Variants in PRKG1 observed in about 807,000 individuals in gnomAD.
PRKG1 encodes the protein protein kinase cGMP-dependent 1, also known as cGMP-dependent protein kinase 1.
Under a neutral mutation model 88.1 loss-of-function variants are expected in PRKG1, and 35 were observed. That is an observed-to-expected ratio of 0.40 (90% CI 0.30 to 0.53). The LOEUF is 0.53. PRKG1 is among the 20% of genes least tolerant of loss of function. The pLI, the probability that PRKG1 is intolerant of heterozygous loss-of-function variation, is 0.59. For synonymous variants in PRKG1, 303 were observed against 292.5 expected (o/e 1.04, Z -0.37); for missense variants, 540 against 839.8 (o/e 0.64, Z 4.41).
At chr10:51,401,852 C>G (rs1837748338) in intron 2 of PRKG1, among the ~76,000 whole-genome samples, 1 of 152,130 alleles carries the variant, frequency 6.6e-6, no homozygotes, top group Non-Finnish European at 1.5e-5. Context: ...TTTCTCCTTT[C>G]TGAGTCACTA....
chr10:52,172,546 T>C (rs967204449), intron 9 of PRKG1, among the ~76,000 whole-genome samples: 2 of 152,226 alleles, frequency 1.3e-5, no homozygotes, highest in African/African-American at 2.4e-5. Flanking sequence ...AGTACAGTAC[T>C]TTTTAAAAGC....
intron 5 of PRKG1, among the ~76,000 whole-genome samples, chr10:51,975,791 C>T (rs1843817612): frequency 6.6e-6 from 1 of 151,972 alleles, no homozygotes; most frequent in South Asian, 2.1e-4. Flanking sequence ...ATACAATTGA[C>T]TTCATCAAAA....
At chr10:51,256,262 T>G (rs1416369970) in intron 2 of PRKG1, among the ~76,000 whole-genome samples, 1 of 152,176 alleles carries the variant, frequency 6.6e-6, no homozygotes, top group Non-Finnish European at 1.5e-5. Flanking sequence ...GATTACAAGT[T>G]TTTCCTTTTA....
chr10:51,959,472 A>C (rs1046428747), intron 5 of PRKG1, among the ~76,000 whole-genome samples: 1 of 152,090 alleles, frequency 6.6e-6, no homozygotes, highest in African/African-American at 2.4e-5. Context: ...CATACAAGAG[A>C]CAAGACTGGA....
intron 3 of PRKG1, among the ~76,000 whole-genome samples, chr10:51,469,652 C>A (rs1839997826): frequency 1.3e-5 from 2 of 151,828 alleles, no homozygotes; most frequent in African/African-American, 4.8e-5. Context: ...ATGTTGAATG[C>A]AAATTATAAG....
chr10:51,357,884 T>A (rs557791264), intron 2 of PRKG1, among the ~76,000 whole-genome samples: 15 of 152,088 alleles, frequency 9.9e-5, no homozygotes, highest in Non-Finnish European at 1.9e-4. Flanking sequence ...CCCATGCTGT[T>A]TATAAGGCAT....
intron 8 of PRKG1, among the ~76,000 whole-genome samples, chr10:52,137,687 T>C (rs1326677109): frequency 2.0e-5 from 3 of 152,136 alleles, no homozygotes; most frequent in African/African-American, 7.2e-5. Context: ...AAACTTGTTA[T>C]ACTATATTGT....
intron 2 of PRKG1, among the ~76,000 whole-genome samples, chr10:51,281,786 G>T (rs1406523007): frequency 1.7e-3 from 254 of 152,290 alleles, no homozygotes; most frequent in African/African-American, 5.8e-3. Context: ...TTATGGACCA[G>T]ATTGTGAAGG....
chr10:51,351,529 T>C (rs1842246916), intron 2 of PRKG1, among the ~76,000 whole-genome samples: 2 of 152,108 alleles, frequency 1.3e-5, no homozygotes, highest in South Asian at 4.1e-4. Flanking sequence ...TTTTTTCATA[T>C]ATTTGTTGGC....
intron 3 of PRKG1, among the ~76,000 whole-genome samples, chr10:51,525,281 A>C (rs2132083377): frequency 6.6e-6 from 1 of 152,222 alleles, no homozygotes; most frequent in Admixed American, 6.5e-5. Context: ...AAAGGAAGGA[A>C]GGAAGGAAGG....
rs1839383314 is a variant in PRKG1 at position 51,449,819 on chromosome 10, T to C, written c.479-17904T>C. Among the ~76,000 whole-genome samples the C allele has an allele frequency of 1.3e-5, 2 of 151,428 alleles. 1 individual carries two copies. Among genetic ancestry groups the C allele is most frequent in the Non-Finnish European group, 2.9e-5 (2 of 67,846 alleles). On this transcript the variant is annotated intron_variant, in intron 2 of 17. Coordinates refer to ENST00000373980, the MANE Select transcript of PRKG1 (RefSeq NM_006258.4). Reference sequence around the variant, plus strand: ...TTGATAATCTTTACCTGTCTGGAAGTAGAATGCAAATTCCTTTTTTAATTT... The same window carrying C: ...TTGATAATCTTTACCTGTCTGGAAGCAGAATGCAAATTCCTTTTTTAATTT...
At chr10:51,245,873 C>A (rs1302782612) in intron 2 of PRKG1, 1 of 152,054 alleles carries the variant, frequency 6.6e-6, no homozygotes, top group African/African-American at 2.4e-5. Context: ...AACCAACCTC[C>A]TTCTGTACTA....
At chr10:52,061,801 T>G (rs558257707) in intron 6 of PRKG1, among the ~76,000 whole-genome samples, 91 of 152,192 alleles carry the variant, frequency 6.0e-4, no homozygotes, top group African/African-American at 2.0e-3. Flanking sequence ...ATGTGGATTT[T>G]GAGGGATATA....
At chr10:51,745,796 G>T (rs1564630720) in intron 3 of PRKG1, among the ~76,000 whole-genome samples, 1 of 152,128 alleles carries the variant, frequency 6.6e-6, no homozygotes, top group Non-Finnish European at 1.5e-5. Context: ...ATCATTTGAG[G>T]TCAGGAGTTT....
At chr10:51,362,452 G>A (rs1842502139) in intron 2 of PRKG1, among the ~76,000 whole-genome samples, 1 of 150,760 alleles carries the variant, frequency 6.6e-6, no homozygotes, top group Non-Finnish European at 1.5e-5. Flanking sequence ...TAAATTTTTA[G>A]AAAAACATAA....
chr10:51,743,826 T>C (rs1837510069), intron 3 of PRKG1, among the ~76,000 whole-genome samples: 1 of 147,332 alleles, frequency 6.8e-6, no homozygotes, highest in Admixed American at 6.8e-5. Flanking sequence ...ATTCTTTTAC[T>C]GTTTAGCAAA....
intron 1 of PRKG1, among the ~76,000 whole-genome samples, chr10:51,123,489 C>T (rs1332120901): frequency 6.6e-6 from 1 of 152,054 alleles, no homozygotes. Flanking sequence ...AGTTCGAAAC[C>T]AGCCTGGCCA....
At chr10:51,655,699 A>G (rs1227563681) in intron 3 of PRKG1, among the ~76,000 whole-genome samples, 1 of 152,156 alleles carries the variant, frequency 6.6e-6, no homozygotes, top group African/African-American at 2.4e-5. Context: ...GGAAAACTGG[A>G]TTAAATAACA....
chr10:51,996,314 C>CAAAAAAAAAAAA (rs59174399), intron 5 of PRKG1, among the ~76,000 whole-genome samples: 2 of 30,022 alleles, frequency 6.7e-5, no homozygotes, highest in African/African-American at 1.5e-4. Context: ...GACTCCATCT[C>CAAAAAAAAAAAA]AAAAAAAAAA....
Sources: gnomAD v4.1 joint callset for allele counts (sites outside exome capture counted in the v4.1 genomes callset) on GRCh38, gnomAD v4.1.1 for gene constraint, MANE v1.5 for transcripts, NCBI Gene and HGNC (gene_info 2026-07-23, HGNC 2026-07-21) for gene names.